The following SEPTIN14 variants were observed in gnomAD, a reference collection of about 807,000 sequenced individuals.
The protein encoded by SEPTIN14 is septin 14.
SEPTIN14 carries 40 observed loss-of-function variants against 53.6 expected under a neutral mutation model. That is an observed-to-expected ratio of 0.75 (90% confidence interval 0.58 to 0.97). The LOEUF is 0.97. Among genes scored for constraint, SEPTIN14 ranks in the 50% least tolerant of loss-of-function variants. The pLI, the probability that SEPTIN14 is intolerant of heterozygous loss-of-function variation, is 0.00. For synonymous variants in SEPTIN14, 138 were observed against 166.8 expected (o/e 0.83, Z 1.33); for missense variants, 471 against 508.2 (o/e 0.93, Z 0.70).
chr7:55,810,630 C>T (rs1385658605), intron 7 of SEPTIN14: 1 of 152,952 alleles, frequency 6.5e-6, no homozygotes, highest in African/African-American at 2.4e-5. Context: ...TGGCACCCAC[C>T]AACATGCCCA....
intron 7 of SEPTIN14, among the ~76,000 whole-genome samples, chr7:55,810,221 A>ATT (rs59702723): frequency 6.6e-6 from 1 of 151,546 alleles, no homozygotes; most frequent in Non-Finnish European, 1.5e-5. Context: ...TAGAGATGCT[A>ATT]TTTTTTTCAT....
chr7:55,844,045 A>G (rs1305837623), intron 4 of SEPTIN14, among the ~76,000 whole-genome samples: 1 of 152,128 alleles, frequency 6.6e-6, no homozygotes, highest in African/African-American at 2.4e-5. Flanking sequence ...CTGAGGTGGA[A>G]GGATTCACTT....
intron 2 of SEPTIN14, among the ~76,000 whole-genome samples, chr7:55,847,138 G>C (rs773513014): frequency 2.6e-5 from 4 of 152,092 alleles, no homozygotes; most frequent in Non-Finnish European, 5.9e-5. Flanking sequence ...AACCCGGGAG[G>C]GGGAGGTTGC....
intron 6 of SEPTIN14, among the ~76,000 whole-genome samples, chr7:55,825,457 T>C (rs1280739725): frequency 6.6e-6 from 1 of 152,174 alleles, no homozygotes; most frequent in Non-Finnish European, 1.5e-5. Context: ...ACCCATACAA[T>C]GTTCAACACA....
chr7:55,833,425 A>G (rs2116029343), intron 6 of SEPTIN14, among the ~76,000 whole-genome samples: 1 of 152,238 alleles, frequency 6.6e-6, no homozygotes, highest in East Asian at 1.9e-4. Flanking sequence ...TAAATGAAAT[A>G]GAGAATAAAA....
In SEPTIN14 at chr7:55,858,179, G is replaced by A. The variant is rs530130606; in HGVS notation, c.54+3764C>T. Among the ~76,000 whole-genome samples, 5 of 152,260 alleles carry A rather than the reference G, an allele frequency of 3.3e-5. No homozygotes were observed. The South Asian group carries it at 1.0e-3, about 32-fold the overall frequency. ...GCTGAAAGTAGGGAACACAAAGAAA[G>A]CTTGAAGCCCTAGAAGATGTGCAGA... On this transcript the variant is annotated intron_variant, in intron 2 of 9. Transcript: ENST00000388975.
At chr7:55,833,869 TA>T (rs1789157732) in intron 6 of SEPTIN14, among the ~76,000 whole-genome samples, 1 of 152,132 alleles carries the variant, frequency 6.6e-6, no homozygotes, top group African/African-American at 2.4e-5. Flanking sequence ...TACAGAAGTT[TA>T]TTTCTTACAG....
In SEPTIN14 at chr7:55,796,137, T is replaced by A. The variant is rs1465419041; in HGVS notation, c.1120-45A>T. ...TTGTGACACCAAAGCACAGTGTGGC[T>A]GAACACCCAAAAGAATATGCTTTTT... On this transcript the variant is annotated intron_variant, in intron 9 of 9. Transcript: ENST00000388975. The A allele has an allele frequency of 8.1e-6, 10 of 1,236,980 alleles. No homozygotes were observed. The Admixed American group carries it at 1.7e-4, about 22-fold the overall frequency. 76.6% of individuals were successfully genotyped at this position (1,236,980 alleles called of 1,614,324 possible). A position where few individuals can be genotyped will look rare whatever the true frequency, so the allele number is the denominator to read the frequency against.
intron 5 of SEPTIN14, among the ~76,000 whole-genome samples, chr7:55,840,513 C>A (rs889852940): frequency 6.6e-6 from 1 of 151,838 alleles, no homozygotes; most frequent in Non-Finnish European, 1.5e-5. Flanking sequence ...AAAATGTGGA[C>A]ACCCCGGAGA....
intron 7 of SEPTIN14, among the ~76,000 whole-genome samples, chr7:55,812,990 C>T (rs1319353068): frequency 4.6e-5 from 7 of 151,754 alleles, no homozygotes; most frequent in South Asian, 4.2e-4. Flanking sequence ...CGCTCTTTCA[C>T]GCAGGCTGGA....
At chr7:55,802,202 G>T (rs576295740) in intron 9 of SEPTIN14, among the ~76,000 whole-genome samples, 1 of 151,892 alleles carries the variant, frequency 6.6e-6, no homozygotes, top group South Asian at 2.1e-4. Context: ...ATGGGGTTTC[G>T]CCAAGTTGGC....
chr7:55,857,490 G>GAGGGAAGGGAAGGGAAGGGA (rs1214849802), intron 2 of SEPTIN14, among the ~76,000 whole-genome samples: 68 of 71,444 alleles, frequency 9.5e-4, no homozygotes, highest in African/African-American at 3.1e-3. Context: ...GAGGGGAGGG[G>GAGGGAAGGGAAGGGAAGGGA]AGGGAAGGGA....
chr7:55,814,993 G>A (rs1036356442), intron 7 of SEPTIN14, among the ~76,000 whole-genome samples: 9 of 151,968 alleles, frequency 5.9e-5, no homozygotes, highest in Admixed American at 3.9e-4. Flanking sequence ...AATCCACACA[G>A]CCACAGAGAA....
intron 2 of SEPTIN14, among the ~76,000 whole-genome samples, chr7:55,849,572 C>T (rs1789484243): frequency 6.6e-6 from 1 of 151,610 alleles, no homozygotes; most frequent in South Asian, 2.1e-4. Flanking sequence ...ATGGAAAAAC[C>T]CCGTCTCTAC....
chr7:55,798,513 A>G (rs73130797), intron 9 of SEPTIN14: 68,684 of 309,354 alleles, frequency 0.22, 8,404 homozygotes, highest in Non-Finnish European at 0.25. Flanking sequence ...CTACCACCCA[A>G]ATGATGTCAG....
At chr7:55,810,796 G>A (rs138192539) in intron 7 of SEPTIN14, 111 of 203,790 alleles carry the variant, frequency 5.4e-4, no homozygotes, top group African/African-American at 2.4e-3. Flanking sequence ...TTATAAATCC[G>A]CTCTCCTGTG....
At chr7:55,811,236 A>G (rs531403444) in intron 7 of SEPTIN14, 31 of 527,142 alleles carry the variant, frequency 5.9e-5, no homozygotes, top group Non-Finnish European at 1.0e-4. Context: ...GGGGAGCCGC[A>G]GGATCTGGAT....
chr7:55,820,895 G>A (rs1346592901), intron 6 of SEPTIN14, among the ~76,000 whole-genome samples: 5 of 152,010 alleles, frequency 3.3e-5, no homozygotes, highest in African/African-American at 4.8e-5. Flanking sequence ...AGCTGAGATC[G>A]CGCCATTACA....
At chr7:55,842,111 C>T (rs1169516538) in intron 5 of SEPTIN14, among the ~76,000 whole-genome samples, 1 of 152,130 alleles carries the variant, frequency 6.6e-6, no homozygotes, top group Non-Finnish European at 1.5e-5. Flanking sequence ...CAGTACCATG[C>T]TGTCCAGGTT....
Sources: gnomAD v4.1 joint callset for allele counts (sites outside exome capture counted in the v4.1 genomes callset) on GRCh38, gnomAD v4.1.1 for gene constraint, MANE v1.5 for transcripts, NCBI Gene and HGNC (gene_info 2026-07-23, HGNC 2026-07-21) for gene names.